The following CDH10 variants were observed in gnomAD, a reference collection of about 807,000 sequenced individuals.
The protein encoded by CDH10 is cadherin 10.
A neutral mutation model predicts 73.1 loss-of-function variants in CDH10; 30 were observed. That is an observed-to-expected ratio of 0.41 (90% CI 0.31 to 0.56). CDH10 has a LOEUF of 0.56. Ranked by LOEUF, CDH10 falls within the 20% of genes least tolerant of loss-of-function variation. CDH10 has a pLI of 0.27. For synonymous variants in CDH10, 345 were observed against 348.2 expected (o/e 0.99, Z 0.10); for missense variants, 815 against 973.7 (o/e 0.84, Z 2.17).
chr5:24,522,589 G>A (rs759763558), intron 5 of CDH10, among the ~76,000 whole-genome samples: 31 of 152,172 alleles, frequency 2.0e-4, no homozygotes, highest in Non-Finnish European at 1.5e-4. Context: ...AGAATACTGA[G>A]GGCTCTAAGA....
intron 8 of CDH10, among the ~76,000 whole-genome samples, chr5:24,504,154 C>T (rs933590795): frequency 2.0e-5 from 3 of 151,878 alleles, no homozygotes; most frequent in East Asian, 3.9e-4. Flanking sequence ...AAAAAAATCC[C>T]GAAAAACAGC....
chr5:24,611,385 C>A (rs1746945219), intron 1 of CDH10, among the ~76,000 whole-genome samples: 1 of 151,936 alleles, frequency 6.6e-6, no homozygotes, highest in East Asian at 1.9e-4. Context: ...AGTTTGAGAC[C>A]AGCCTGGACA....
intron 2 of CDH10, among the ~76,000 whole-genome samples, chr5:24,587,196 A>G (rs564995783): frequency 1.3e-5 from 2 of 152,300 alleles, no homozygotes; most frequent in Admixed American, 1.3e-4. Context: ...TGAAGTGACT[A>G]TTTAAGAATT....
chr5:24,487,318 T>G lies in CDH10; in HGVS notation c.*345A>C, dbSNP rs976967738. 8 of 196,050 alleles carry G rather than the reference T, an allele frequency of 4.1e-5. No homozygotes were observed. Among genetic ancestry groups the G allele is most frequent in the Non-Finnish European group, 7.4e-5 (7 of 94,578 alleles). The allele number at this position is 196,050 out of a possible 1,614,324, so 12.1% of individuals were successfully genotyped here. A position where few individuals can be genotyped will look rare whatever the true frequency, so the allele number is the denominator to read the frequency against. ...TTCTTCACCTTTTTAAAAGCTTCAT[T>G]TGCAAGGGCAGGACATGTACCTAAC... On this transcript the variant is annotated 3_prime_UTR_variant, in exon 12 of 12. Transcript: ENST00000264463.
intron 2 of CDH10, among the ~76,000 whole-genome samples, chr5:24,592,183 A>G (rs1214174204): frequency 6.6e-6 from 1 of 151,828 alleles, no homozygotes; most frequent in African/African-American, 2.4e-5. Flanking sequence ...GTGCAATATG[A>G]CAAAACATAT....
intron 1 of CDH10, among the ~76,000 whole-genome samples, chr5:24,625,572 T>TG (rs1253116955): frequency 0.019 from 688 of 36,794 alleles, 3 homozygotes; most frequent in Non-Finnish European, 0.087. Context: ...TTCATATATA[T>TG]ACATATATTC....
At chr5:24,493,081 T>C in intron 9 of CDH10, 156 bp from the exon 10 acceptor site, 1 of 503,474 alleles carries the variant, frequency 2.0e-6, no homozygotes, top group Admixed American at 3.6e-5. Context: ...TAGTATTACT[T>C]TGATTTTAAT....
intron 1 of CDH10, among the ~76,000 whole-genome samples, chr5:24,637,068 T>C (rs930928252): frequency 2.0e-5 from 3 of 152,012 alleles, no homozygotes; most frequent in Non-Finnish European, 4.4e-5. Context: ...GATCCTTATA[T>C]TAGTCACTTT....
At chr5:24,556,414 G>A (rs1242742133) in intron 2 of CDH10, among the ~76,000 whole-genome samples, 3 of 151,912 alleles carry the variant, frequency 2.0e-5, no homozygotes, top group South Asian at 2.1e-4. Context: ...GAATAATTGT[G>A]TTTGATTTAT....
intron 1 of CDH10, among the ~76,000 whole-genome samples, chr5:24,610,352 C>A (rs949616507): frequency 6.6e-6 from 1 of 152,066 alleles, no homozygotes; most frequent in Non-Finnish European, 1.5e-5. Context: ...AATTTTTAAT[C>A]TTAGTTACAA....
chr5:24,633,852 C>T (rs1747782936), intron 1 of CDH10, among the ~76,000 whole-genome samples: 1 of 151,764 alleles, frequency 6.6e-6, no homozygotes, highest in Non-Finnish European at 1.5e-5. Context: ...GCAATGTTCA[C>T]TTGGAAAAAC....
In CDH10 at chr5:24,509,838, C is replaced by A. The variant is rs3797171; in HGVS notation, c.1003-19G>T. 702,160 of 1,577,632 alleles carry A rather than the reference C, an allele frequency of 0.45. 160,356 individuals carry two copies. The highest frequency in any genetic ancestry group is 0.56 in the Admixed American group (31,114 of 55,142). On this transcript the variant is annotated intron_variant, in intron 6 of 11. Transcript: ENST00000264463. The stretch of plus-strand genomic sequence containing the variant: ...CGAGTGGCTGTATAAAAAAATAAAT[C>A]ATCAAATTAGAGTGAGGGAAATTGG...
rs2111986781 is a variant in CDH10, at chr5:24,560,838, T to C, written c.232-23164A>G. 1.3e-5 allele frequency among the ~76,000 whole-genome samples: 2 copies of C among 152,240 alleles called. 1 individual carries two copies. On this transcript the variant is annotated intron_variant, in intron 2 of 11. Coordinates refer to ENST00000264463, the MANE Select transcript of CDH10 (RefSeq NM_006727.5). ...ACCTGTCCACAAAAATAAAATAAAG[T>C]TGTTACTCTGTGGTGTTTTACATAT...
chr5:24,632,150 T>G (rs1747723095), intron 1 of CDH10, among the ~76,000 whole-genome samples: 1 of 152,060 alleles, frequency 6.6e-6, no homozygotes, highest in Admixed American at 6.6e-5. Context: ...GCTAAAATTA[T>G]TTTGGGTTGT....
intron 2 of CDH10, among the ~76,000 whole-genome samples, chr5:24,565,656 A>G (rs1745140826): frequency 6.6e-6 from 1 of 152,112 alleles, no homozygotes; most frequent in South Asian, 2.1e-4. Context: ...TAAGGAAGTA[A>G]TTGAGGTTAA....
chr5:24,556,043 A>T (rs1195810131), intron 2 of CDH10, among the ~76,000 whole-genome samples: 1 of 152,168 alleles, frequency 6.6e-6, no homozygotes, highest in African/African-American at 2.4e-5. Context: ...AGGCAAGAGG[A>T]GAAGCCAATC....
At chr5:24,557,445 A>G (rs1411650991) in intron 2 of CDH10, among the ~76,000 whole-genome samples, 1 of 151,676 alleles carries the variant, frequency 6.6e-6, no homozygotes, top group Non-Finnish European at 1.5e-5. Flanking sequence ...CCAATTGCTG[A>G]CTGAAAAAAA....
chr5:24,630,947 T>C (rs772959566), intron 1 of CDH10, among the ~76,000 whole-genome samples: 2 of 152,168 alleles, frequency 1.3e-5, no homozygotes, highest in Non-Finnish European at 1.5e-5. Context: ...AGCAACATTA[T>C]TGTTCCATCT....
intron 1 of CDH10, among the ~76,000 whole-genome samples, chr5:24,624,850 A>C (rs1346641765): frequency 6.6e-6 from 1 of 152,196 alleles, no homozygotes; most frequent in South Asian, 2.1e-4. Context: ...ATTACCTCAA[A>C]GAAATACAAT....
Sources: allele counts gnomAD v4.1 joint callset (sites outside exome capture counted in the v4.1 genomes callset), GRCh38; gene constraint gnomAD v4.1.1; transcripts MANE v1.5; gene names NCBI Gene and HGNC (gene_info 2026-07-23, HGNC 2026-07-21).